KRT35: variants seen among roughly 807,000 people sequenced by gnomAD.
KRT35 encodes keratin, type I cuticular Ha5.
In KRT35, 33 loss-of-function variants were observed where a neutral mutation model predicts 42.2. That is an observed-to-expected ratio of 0.78 (90% CI 0.59 to 1.05). KRT35 has a LOEUF of 1.05. Among genes scored for constraint, KRT35 ranks in the 50% least tolerant of loss-of-function variants. KRT35 has a pLI of 0.00. For missense variants in KRT35, 585 were observed against 589.2 expected (o/e 0.99, Z 0.07); for synonymous variants, 218 against 238.2 (o/e 0.92, Z 0.78).
In KRT35 at chr17:41,478,417, C is replaced by T. The variant is rs1396512045; in HGVS notation, c.943G>A (p.Glu315Lys). The T allele has an allele frequency of 1.9e-6, 3 of 1,614,120 alleles. No homozygotes were observed. Among genetic ancestry groups the T allele is most frequent in the Non-Finnish European group, 2.5e-6 (3 of 1,179,994 alleles). ...AGGGCGTTGACCGTGCGTCTCAGCTCGATGATCTCTGCCTGGCAGGACTGC... is the reference window on the plus strand; with the variant it reads ...AGGGCGTTGACCGTGCGTCTCAGCTTGATGATCTCTGCCTGGCAGGACTGC... ...QLQSCQAEII[E>K]LRRTVNALEI... The change falls in exon 5 of 7, where the codon GAG (glutamate) becomes AAG (lysine). Residue 315 changes from glutamate (E) to lysine (K), a missense_variant. Glu to Lys is a moderately conservative substitution (Grantham distance 56, BLOSUM62 1). Transcript: ENST00000246639.
Position 41,477,125 on chromosome 17 carries a change from ACCGCAGGAGG to A in KRT35, c.1289_1298del (p.Ala430ValfsTer27). On this transcript the variant is annotated frameshift_variant, in exon 7 of 7. Transcript: ENST00000246639. LOFTEE classifies it high-confidence loss of function. ...TGCAGTTTGTGCGGGCTGCACTAGG[ACCGCAGGAGG>A]CCGCAGGAAGACAGGGAAGGCATGA... The A allele has an allele frequency of 2.5e-6, 4 of 1,612,940 alleles. No individual in the cohort carries two copies. The South Asian group carries it at 3.3e-5, about 13-fold the overall frequency.
At chr17:41,478,614 A>G in intron 4 of KRT35, 128 bp from the exon 5 acceptor site, 1 of 1,255,204 alleles carries the variant, frequency 8.0e-7, no homozygotes, top group Admixed American at 2.3e-5. Flanking sequence ...CATTTATTTT[A>G]TACTGGAGGG....
chr17:41,480,517 A>G lies in KRT35; in HGVS notation c.471+110T>C, dbSNP rs1021635599. The stretch of plus-strand genomic sequence containing the variant: ...TATTGGGAGGAGCAAATGAGGCCAC[A>G]GAGATGAACATGCTTGGTGACTTCC... On this transcript the variant is annotated intron_variant, in intron 1 of 6. Transcript: ENST00000246639. The G allele has an allele frequency of 8.8e-6, 7 of 797,352 alleles. No individual in the cohort carries two copies. The African/African-American group carries it at 1.2e-4, about 14-fold the overall frequency. The allele number at this position is 797,352 out of a possible 1,614,324, so 49.4% of individuals were successfully genotyped here. A position where few individuals can be genotyped will look rare whatever the true frequency, so the allele number is the denominator to read the frequency against.
In KRT35 at chr17:41,478,897, C is replaced by T. The variant is rs751392132; in HGVS notation, c.810G>A (p.Arg270=). 1.7e-5 allele frequency: 28 copies of T among 1,613,942 alleles called. No individual in the cohort carries two copies. The highest frequency in any genetic ancestry group is 1.6e-4 in the Middle Eastern group (1 of 6,082). The part of the protein sequence containing the change: ...VDLNRVLEEM[R]CQYETLVENN... The stretch of plus-strand genomic sequence containing the variant: ...TCTCCACCAGGGTTTCATACTGGCA[C>T]CTCATCTCCTCCAGAACTCGGTTCA... Residue 270 remains arginine, a synonymous_variant, in exon 4 of 7, where the codon AGG becomes AGA. Coordinates refer to ENST00000246639, the MANE Select transcript of KRT35 (RefSeq NM_002280.6).
At chr17:41,478,331 G>A (rs755245734) in intron 5 of KRT35, 30 bp downstream of exon 5, 25 of 1,607,820 alleles carry the variant, frequency 1.6e-5, no homozygotes, top group Non-Finnish European at 1.7e-5. Flanking sequence ...GCTTGGTCCA[G>A]AGGCAGCTCC....
intron 1 of KRT35, among the ~76,000 whole-genome samples, chr17:41,480,177 G>T (rs1385573620): frequency 2.0e-5 from 3 of 152,198 alleles, no homozygotes; most frequent in Admixed American, 1.3e-4. Flanking sequence ...CTTTGGGCCA[G>T]GCGAGAAGTG....
Position 41,479,245 on chromosome 17 carries a change from C to G in KRT35, c.711+102G>C, listed in dbSNP as rs529152519. 149 of 1,281,240 alleles carry G rather than the reference C, an allele frequency of 1.2e-4. 1 individual carries two copies. The African/African-American group carries it at 2.5e-3, about 22-fold the overall frequency. 79.4% of individuals were successfully genotyped at this position (1,281,240 alleles called of 1,614,324 possible). On this transcript the variant is annotated intron_variant, in intron 3 of 6. Coordinates refer to ENST00000246639, the MANE Select transcript of KRT35 (RefSeq NM_002280.6). ...ACACCTGCTCCCTCATGTTCACCTC[C>G]CCCTATGCTCACCTCATCCCCAATG...
At chr17:41,479,630 C>T in intron 2 of KRT35, 69 bp downstream of exon 2, 2 of 1,572,250 alleles carry the variant, frequency 1.3e-6, no homozygotes, top group East Asian at 2.2e-5. Flanking sequence ...CAGCCAAAAC[C>T]CTGAGCTCAG....
At position 41,480,663 on chromosome 17, in the gene KRT35, C is replaced by G; in HGVS notation, c.435G>C (p.Gln145His). 1 of 1,614,190 alleles carries G rather than the reference C, an allele frequency of 6.2e-7. No individual in the cohort carries two copies. Among genetic ancestry groups the G allele is most frequent in the Non-Finnish European group, 8.5e-7 (1 of 1,180,032 alleles). ...GCTCCTCGATGGTCCGGAAGTAGGA[C>G]TGGTAGTCAGGGCACATGTAGGGGA... ...QQVPYMCPDYQSYFRTIEELQ... is the reference protein window; with the variant it reads ...QQVPYMCPDYHSYFRTIEELQ... The change falls in exon 1 of 7, where the codon CAG (glutamine) becomes CAC (histidine). Residue 145 changes from glutamine to histidine, a missense_variant. Physicochemically the swap from Gln to His is conservative, Grantham distance 24. Transcript: ENST00000246639.
rs1271790925 is a variant in KRT35, at chr17:41,477,592, C to T, written c.1146G>A (p.Val382=). The stretch of plus-strand genomic sequence containing the variant: ...CCAGCCGGGCCCGGACGTCCAGCAG[C>T]ACCTGGTACTCCTGGTTCTGCCGCT... The part of the protein sequence containing the change: ...DLERQNQEYQ[V]LLDVRARLEC... The change falls in exon 6 of 7, where the codon GTG becomes GTA. Residue 382 remains valine, a synonymous_variant. Coordinates refer to ENST00000246639, the MANE Select transcript of KRT35 (RefSeq NM_002280.6). 15 of 1,614,110 alleles carry T rather than the reference C, an allele frequency of 9.3e-6. No homozygotes were observed. The highest frequency in any genetic ancestry group is 3.3e-5 in the Admixed American group (2 of 60,018).
Position 41,477,025 on chromosome 17 carries a change from C to A in KRT35, c.*31G>T. ...AGAGGCCAAGTTCAAGCCCTGGAGA[C>A]AATAGCCATGGCCATCTGGGTCACC... On this transcript the variant is annotated 3_prime_UTR_variant, in exon 7 of 7. Transcript: ENST00000246639. 1.3e-6 allele frequency: 2 copies of A among 1,531,920 alleles called. No homozygotes were observed. The highest frequency in any genetic ancestry group is 1.7e-6 in the Non-Finnish European group (2 of 1,145,484). The allele number at this position is 1,531,920 out of a possible 1,614,324, so 94.9% of individuals were successfully genotyped here. A position where few individuals can be genotyped will look rare whatever the true frequency, so the allele number is the denominator to read the frequency against.
Position 41,476,774 on chromosome 17 carries a change from C to T in KRT35, c.*282G>A, listed in dbSNP as rs571491566. ...CCCTCTACTGCATTTCAGAATCCAC[C>T]GGAACAGCACCTAGAAGGAAAACCT... On this transcript the variant is annotated 3_prime_UTR_variant, in exon 7 of 7. Transcript: ENST00000246639. 4.1e-5 allele frequency: 14 copies of T among 339,204 alleles called. No homozygotes were observed. The highest frequency in any genetic ancestry group is 1.3e-4 in the African/African-American group (6 of 46,968). The allele number at this position is 339,204 out of a possible 1,614,324, so 21.0% of individuals were successfully genotyped here. A position where few individuals can be genotyped will look rare whatever the true frequency, so the allele number is the denominator to read the frequency against.
chr17:41,479,098 T>C, intron 3 of KRT35, 103 bp from the exon 4 acceptor site: 1 of 1,211,706 alleles, frequency 8.3e-7, no homozygotes, highest in Non-Finnish European at 1.2e-6. Context: ...CTCCTAATGC[T>C]CACCTCCTCC....
chr17:41,480,828 C>A lies in KRT35; in HGVS notation c.270G>T (p.Glu90Asp). ...CCTTCTCATTGCCAGTGAGGATGCC[C>A]TCCCCAAACCAGCCCCCACCCCCAC... ...SYSGGGGWFG[E>D]GILTGNEKET... Residue 90 changes from glutamate to aspartate, a missense_variant, in exon 1 of 7, where the codon GAG becomes GAT. Glu to Asp is a conservative substitution (Grantham distance 45). Coordinates refer to ENST00000246639, the MANE Select transcript of KRT35 (RefSeq NM_002280.6). The A allele has an allele frequency of 6.2e-7, 1 of 1,614,170 alleles. No homozygotes were observed. The highest frequency in any genetic ancestry group is 1.1e-5 in the South Asian group (1 of 91,086).
In KRT35 at chr17:41,478,402, C is replaced by A. The variant is rs2019209896; in HGVS notation, c.958G>T (p.Val320Phe). 1.2e-6 allele frequency: 2 copies of A among 1,614,046 alleles called. No homozygotes were observed. Among genetic ancestry groups the A allele is most frequent in the Non-Finnish European group, 1.7e-6 (2 of 1,179,976 alleles). Residue 320 changes from valine to phenylalanine, a missense_variant, in exon 5 of 7, where the codon GTC becomes TTC. Physicochemically the swap from Val to Phe is conservative, Grantham distance 50 (BLOSUM62 -1). Coordinates refer to ENST00000246639, the MANE Select transcript of KRT35 (RefSeq NM_002280.6). ...TGCAGCTCAATCTCCAGGGCGTTGA[C>A]CGTGCGTCTCAGCTCGATGATCTCT... ...QAEIIELRRT[V>F]NALEIELQAQ...
rs200529540 is a variant in KRT35 at position 41,477,564 on chromosome 17, A to T, written c.1174T>A (p.Cys392Ser). The T allele has an allele frequency of 6.2e-7, 1 of 1,612,606 alleles. No individual in the cohort carries two copies. Among genetic ancestry groups the T allele is most frequent in the Non-Finnish European group, 8.5e-7 (1 of 1,179,598 alleles). Residue 392 changes from cysteine to serine, a missense_variant, in exon 6 of 7, where the codon TGT becomes AGT. Physicochemically the swap from Cys to Ser is moderately radical, Grantham distance 112. Transcript: ENST00000246639. ...AGGCCCCGGTACGTGTTGATCTCAC[A>T]CTCCAGCCGGGCCCGGACGTCCAGC... ...VLLDVRARLE[C>S]EINTYRGLLE...
chr17:41,480,752 G>T lies in KRT35; in HGVS notation c.346C>A (p.Arg116Ser), dbSNP rs745985116. 2 of 1,614,184 alleles carry T rather than the reference G, an allele frequency of 1.2e-6. No individual in the cohort carries two copies. Among genetic ancestry groups the T allele is most frequent in the Non-Finnish European group, 1.7e-6 (2 of 1,180,026 alleles). ...CTGGCGTTCTCCTGCTCCAGCTGAC[G>T]CACCTTCTCCAGGTAGCCGGCCAGG... Reference protein sequence around the residue: ...DRLAGYLEKVRQLEQENASLE... With the variant: ...DRLAGYLEKVSQLEQENASLE... The change falls in exon 1 of 7, where the codon CGT becomes AGT. Residue 116 changes from arginine (R) to serine (S), a missense_variant. Transcript: ENST00000246639.
At chr17:41,479,179 A>G (rs989299856) in intron 3 of KRT35, among the ~76,000 whole-genome samples, 168 bp downstream of exon 3, 2 of 132,046 alleles carry the variant, frequency 1.5e-5, no homozygotes, top group Non-Finnish European at 3.1e-5. Flanking sequence ...CCTGCTCTCT[A>G]TGCTCACCTG....
At position 41,477,699 on chromosome 17, in the gene KRT35, G is replaced by A. The variant is rs373692022; in HGVS notation, c.1039C>T (p.Arg347Cys). 50 of 1,614,138 alleles carry A rather than the reference G, an allele frequency of 3.1e-5. No individual in the cohort carries two copies. Among genetic ancestry groups the A allele is most frequent in the Non-Finnish European group, 3.7e-5 (44 of 1,180,066 alleles). Residue 347 changes from arginine to cysteine, a missense_variant, in exon 6 of 7, where the codon CGC becomes TGC. Coordinates refer to ENST00000246639, the MANE Select transcript of KRT35 (RefSeq NM_002280.6). ...ATCTGGGCCAGCTGGGAGCTATAGCGGGCCTCCGTCTCTGCCAGGGTGGAT... is the reference window on the plus strand; with the variant it reads ...ATCTGGGCCAGCTGGGAGCTATAGCAGGCCTCCGTCTCTGCCAGGGTGGAT... Reference protein sequence around the residue: ...LESTLAETEARYSSQLAQMQC... With the variant: ...LESTLAETEACYSSQLAQMQC...
Sources: allele counts gnomAD v4.1 joint callset (sites outside exome capture counted in the v4.1 genomes callset), GRCh38; gene constraint gnomAD v4.1.1; transcripts MANE v1.5; gene names NCBI Gene and HGNC (gene_info 2026-07-23, HGNC 2026-07-21).